SNTB2: variants seen among roughly 807,000 people sequenced by gnomAD.
SNTB2 encodes the protein syntrophin beta 2, also known as beta-2-syntrophin.
Under a neutral mutation model 46.2 loss-of-function variants are expected in SNTB2, and 34 were observed. The ratio of observed to expected loss-of-function variants is 0.74; its 90% CI spans 0.56 to 0.98. The LOEUF (loss-of-function observed/expected upper bound fraction) is 0.98. Among genes scored for constraint, SNTB2 ranks in the 50% least tolerant of loss-of-function variants. The probability of loss-of-function intolerance (pLI) is 0.00; values close to 1 mark genes in which losing one functional copy is unlikely to be tolerated. For missense variants in SNTB2, 603 were observed against 731.4 expected, an observed-to-expected ratio of 0.82 and a Z score of 2.02; for synonymous variants, 290 against 312.6, an observed-to-expected ratio of 0.93 and a Z score of 0.76.
rs1431227583 is a variant in SNTB2 at position 69,234,743 on chromosome 16, C to T, written c.581-10859C>T. Among the ~76,000 whole-genome samples, 3 of 150,550 alleles carry T rather than the reference C, an allele frequency of 2.0e-5. No homozygotes were observed. The East Asian group carries it at 5.8e-4, about 29-fold the overall frequency. ...TTCGAGACCAAGTCTCACTCTGTCA[C>T]CTAGGCTGGAGTGCAGTGGCATGAT... On this transcript the variant is annotated intron_variant, in intron 1 of 6. Coordinates refer to ENST00000336278, the MANE Select transcript of SNTB2 (RefSeq NM_006750.4).
chr16:69,281,019 G>A (rs987450621), intron 4 of SNTB2, among the ~76,000 whole-genome samples: 12 of 152,126 alleles, frequency 7.9e-5, no homozygotes, highest in African/African-American at 2.9e-4. Flanking sequence ...GGATGGTCTC[G>A]ATCTCCTGAC....
At chr16:69,284,010 G>A (rs955625648) in intron 4 of SNTB2, 38 bp from the exon 5 acceptor site, 4 of 1,523,658 alleles carry the variant, frequency 2.6e-6, no homozygotes, top group African/African-American at 2.8e-5. Context: ...GTCTGATAAT[G>A]TAGTTACTTT....
chr16:69,251,220 T>C (rs1464171532), intron 2 of SNTB2, among the ~76,000 whole-genome samples: 1 of 151,378 alleles, frequency 6.6e-6, no homozygotes, highest in Non-Finnish European at 1.5e-5. Context: ...CCTCGTGATC[T>C]GCCCGCCTCG....
intron 2 of SNTB2, among the ~76,000 whole-genome samples, chr16:69,259,205 G>T (rs1445599733): frequency 2.1e-5 from 3 of 142,464 alleles, no homozygotes; most frequent in Admixed American, 7.0e-5. Flanking sequence ...TTTTTCTCAG[G>T]TTCAGTAACT....
intron 4 of SNTB2, among the ~76,000 whole-genome samples, chr16:69,277,332 A>C (rs530125084): frequency 6.6e-6 from 1 of 152,356 alleles, no homozygotes; most frequent in Admixed American, 6.5e-5. Context: ...GGTAATACCA[A>C]ATGAGATTTT....
intron 1 of SNTB2, among the ~76,000 whole-genome samples, chr16:69,238,252 A>C (rs972438915): frequency 6.6e-6 from 1 of 152,114 alleles, no homozygotes; most frequent in African/African-American, 2.4e-5. Context: ...ATCTGGCTGA[A>C]TTGACTGAAA....
intron 5 of SNTB2, among the ~76,000 whole-genome samples, chr16:69,295,677 A>T (rs192816425): frequency 1.3e-3 from 191 of 151,564 alleles, no homozygotes; most frequent in African/African-American, 4.0e-3. Context: ...TAAGTCCCAG[A>T]TGCTATCCCG....
At position 69,245,779 on chromosome 16, in the gene SNTB2, C is replaced by A; in HGVS notation, c.758C>A (p.Ala253Asp). The A allele has an allele frequency of 2.5e-6, 4 of 1,614,050 alleles. No homozygotes were observed. The highest frequency in any genetic ancestry group is 3.4e-6 in the Non-Finnish European group (4 of 1,180,006). The change falls in exon 2 of 7, where the codon GCT becomes GAT. Residue 253 changes from alanine (A) to aspartate (D), a missense_variant. Ala to Asp is a moderately radical substitution (Grantham distance 126). Transcript: ENST00000336278. ...ATCATCCCTCTCAAAATGTGCTTTG[C>A]TGCTAGAAACCTAAGCATGCCGGAT... is the stretch of plus-strand genomic sequence containing the variant. Reference protein sequence around the residue: ...RKIIPLKMCFAARNLSMPDLE... With the variant: ...RKIIPLKMCFDARNLSMPDLE...
chr16:69,195,922 G>A (rs1020705268), intron 1 of SNTB2, among the ~76,000 whole-genome samples: 1 of 152,128 alleles, frequency 6.6e-6, no homozygotes, highest in Admixed American at 6.6e-5. Flanking sequence ...GTTAACTTAT[G>A]TACACTATAA....
chr16:69,230,552 G>A (rs979291247), intron 1 of SNTB2: 1 of 151,794 alleles, frequency 6.6e-6, no homozygotes, highest in Admixed American at 6.6e-5. Flanking sequence ...TAGTAGAGAT[G>A]GGGTTTCACC....
At chr16:69,287,628 GAGGC>G (rs1244725246) in intron 5 of SNTB2, among the ~76,000 whole-genome samples, 1 of 151,948 alleles carries the variant, frequency 6.6e-6, no homozygotes, top group African/African-American at 2.4e-5. Context: ...TTGGGAGACT[GAGGC>G]AGGCAGATCA....
chr16:69,254,291 A>T (rs1251941491), intron 2 of SNTB2, among the ~76,000 whole-genome samples: 1 of 152,102 alleles, frequency 6.6e-6, no homozygotes, highest in African/African-American at 2.4e-5. Context: ...CTTTACTCTC[A>T]CTTCCAGAGG....
intron 4 of SNTB2, among the ~76,000 whole-genome samples, chr16:69,280,282 C>T (rs550462239): frequency 7.9e-5 from 12 of 152,262 alleles, no homozygotes; most frequent in Non-Finnish European, 1.0e-4. Flanking sequence ...GACATGGCAA[C>T]CATCCGATTT....
intron 4 of SNTB2, among the ~76,000 whole-genome samples, chr16:69,280,187 C>G (rs1389032142): frequency 6.6e-6 from 1 of 152,188 alleles, no homozygotes; most frequent in East Asian, 1.9e-4. Context: ...GGTAAGGTCA[C>G]CGATCAACAG....
chr16:69,266,676 ATC>A (rs551123246), intron 3 of SNTB2, among the ~76,000 whole-genome samples: 81 of 152,192 alleles, frequency 5.3e-4, no homozygotes, highest in African/African-American at 1.9e-3. Context: ...GCCTTCAAAA[ATC>A]TCTCTCTTAT....
chr16:69,272,645 A>G (rs954882021), intron 4 of SNTB2, among the ~76,000 whole-genome samples: 1 of 151,296 alleles, frequency 6.6e-6, no homozygotes, highest in Non-Finnish European at 1.5e-5. Context: ...TAATCACAAC[A>G]CTTTGGGAGG....
At position 69,208,360 on chromosome 16, in the gene SNTB2, C is replaced by T. The variant is rs547092172; in HGVS notation, c.580+20614C>T. On this transcript the variant is annotated intron_variant, in intron 1 of 6. Transcript: ENST00000336278. ...GGCGGAGGTGGCAGTGAACCGAGAT[C>T]GTGCCACTGCACTCCAGCCTGGGCA... is the stretch of plus-strand genomic sequence containing the variant. Among the ~76,000 whole-genome samples, 709 of 150,036 alleles carry T rather than the reference C, an allele frequency of 4.7e-3. 1 individual carries two copies. The highest frequency in any genetic ancestry group is 6.5e-3 in the Non-Finnish European group (440 of 67,542).
At chr16:69,245,979 A>T (rs77495501) in intron 2 of SNTB2, among the ~76,000 whole-genome samples, 164 bp downstream of exon 2, 1 of 152,140 alleles carries the variant, frequency 6.6e-6, no homozygotes, top group Non-Finnish European at 1.5e-5. Flanking sequence ...CTACATATAT[A>T]CATGTATATG....
At chr16:69,240,367 C>CT (rs1964599305) in intron 1 of SNTB2, among the ~76,000 whole-genome samples, 1 of 152,188 alleles carries the variant, frequency 6.6e-6, no homozygotes, top group Non-Finnish European at 1.5e-5. Flanking sequence ...GGCCAGGAGA[C>CT]TTGAGCTGAA....
Sources: gnomAD v4.1 joint callset for allele counts (sites outside exome capture counted in the v4.1 genomes callset) on GRCh38, gnomAD v4.1.1 for gene constraint, MANE v1.5 for transcripts, NCBI Gene and HGNC (gene_info 2026-07-23, HGNC 2026-07-21) for gene names.